GALNT13: variants seen among roughly 807,000 people sequenced by gnomAD.
GALNT13 encodes polypeptide N-acetylgalactosaminyltransferase 13.
Under a neutral mutation model 64.2 loss-of-function variants are expected in GALNT13, and 28 were observed. That is an observed-to-expected ratio of 0.44 (90% confidence interval 0.32 to 0.60). GALNT13 has a LOEUF of 0.60. Among genes scored for constraint, GALNT13 ranks in the 20% least tolerant of loss-of-function variants. The pLI, the probability that GALNT13 is intolerant of heterozygous loss-of-function variation, is 0.05. For missense variants in GALNT13, 577 were observed against 669.8 expected, an observed-to-expected ratio of 0.86 and a Z score of 1.53; for synonymous variants, 214 against 224.6, an observed-to-expected ratio of 0.95 and a Z score of 0.42.
At chr2:154,357,373 G>A (rs964860407) in intron 9 of GALNT13, among the ~76,000 whole-genome samples, 1 of 151,950 alleles carries the variant, frequency 6.6e-6, no homozygotes, top group Non-Finnish European at 1.5e-5. Context: ...TTTCATGTGA[G>A]TTGTCTTCTC....
At chr2:153,893,825 C>A (rs571606604) in intron 1 of GALNT13, among the ~76,000 whole-genome samples, 4 of 151,890 alleles carry the variant, frequency 2.6e-5, no homozygotes, top group African/African-American at 9.7e-5. Flanking sequence ...GTACTTTGAA[C>A]GTGAAATTTT....
chr2:153,520,607 T>C, the GALNT13 span, among the ~76,000 whole-genome samples: 2 of 152,186 alleles, frequency 1.3e-5, no homozygotes, highest in Non-Finnish European at 2.9e-5. Flanking sequence ...TTTATCTTAA[T>C]GCTCGAAAAA....
chr2:153,393,105 T>C, the GALNT13 span, among the ~76,000 whole-genome samples: 1 of 152,024 alleles, frequency 6.6e-6, no homozygotes, highest in African/African-American at 2.4e-5. Flanking sequence ...ACTGCCCAAA[T>C]GAACAAAGAC....
chr2:153,684,417 T>C, the GALNT13 span, among the ~76,000 whole-genome samples: 2 of 151,620 alleles, frequency 1.3e-5, no homozygotes, highest in Non-Finnish European at 1.5e-5. Flanking sequence ...ATAGGAGTAA[T>C]GTAACTATTT....
chr2:153,648,483 T>C, the GALNT13 span, among the ~76,000 whole-genome samples: 4 of 152,048 alleles, frequency 2.6e-5, no homozygotes, highest in African/African-American at 7.2e-5. Flanking sequence ...ATTGCCCTGG[T>C]CAGAACTTCC....
chr2:153,243,318 AG>A, the GALNT13 span, among the ~76,000 whole-genome samples: 2 of 152,148 alleles, frequency 1.3e-5, no homozygotes, highest in African/African-American at 4.8e-5. Context: ...CCTTAATTCT[AG>A]GGATCTGTTT....
chr2:153,974,972 T>C (rs1390734918), intron 3 of GALNT13, among the ~76,000 whole-genome samples: 1 of 152,094 alleles, frequency 6.6e-6, no homozygotes, highest in Non-Finnish European at 1.5e-5. Context: ...TAGTGTATTA[T>C]ATGGGTAGCA....
At chr2:153,243,440 T>G in the GALNT13 span, among the ~76,000 whole-genome samples, 1 of 152,242 alleles carries the variant, frequency 6.6e-6, no homozygotes, top group African/African-American at 2.4e-5. Flanking sequence ...CTGTCTGATA[T>G]TCTAGGCCCC....
At chr2:153,258,634 A>G in the GALNT13 span, among the ~76,000 whole-genome samples, 2 of 151,724 alleles carry the variant, frequency 1.3e-5, no homozygotes, top group African/African-American at 2.4e-5. Context: ...AGTGCATCTC[A>G]TAGGATTTAA....
the GALNT13 span, among the ~76,000 whole-genome samples, chr2:153,684,069 A>AAT: frequency 0.017 from 2,533 of 148,388 alleles, 19 homozygotes; most frequent in African/African-American, 0.027. Context: ...TCTTCATAAT[A>AAT]ATATATATAT....
chr2:153,541,417 C>T, the GALNT13 span, among the ~76,000 whole-genome samples: 8 of 152,062 alleles, frequency 5.3e-5, no homozygotes, highest in African/African-American at 9.7e-5. Flanking sequence ...ATGGACTAAT[C>T]GACTGACTTT....
chr2:153,229,612 A>G, the GALNT13 span, among the ~76,000 whole-genome samples: 1 of 152,206 alleles, frequency 6.6e-6, no homozygotes, highest in Non-Finnish European at 1.5e-5. Context: ...TTTTATTACA[A>G]GTATGAATAG....
intron 3 of GALNT13, among the ~76,000 whole-genome samples, chr2:154,136,874 C>A (rs1332200534): frequency 2.0e-5 from 3 of 151,968 alleles, no homozygotes; most frequent in Non-Finnish European, 4.4e-5. Context: ...AATAAAAAAA[C>A]CACAATGTAG....
intron 1 of GALNT13, among the ~76,000 whole-genome samples, chr2:153,875,313 A>T (rs1416826151): frequency 6.6e-6 from 1 of 152,128 alleles, no homozygotes; most frequent in African/African-American, 2.4e-5. Context: ...GTTCAAAGCA[A>T]TTTTTCTTTA....
the GALNT13 span, among the ~76,000 whole-genome samples, chr2:153,138,958 A>T: frequency 1.3e-5 from 2 of 152,034 alleles, no homozygotes; most frequent in African/African-American, 2.4e-5. Flanking sequence ...TTTCCTGGAA[A>T]TATTTGAGGA....
chr2:153,103,787 C>T, the GALNT13 span, among the ~76,000 whole-genome samples: 1 of 152,188 alleles, frequency 6.6e-6, no homozygotes, highest in Non-Finnish European at 1.5e-5. Flanking sequence ...ATCCCACATA[C>T]CTAGATTGTG....
intron 9 of GALNT13, among the ~76,000 whole-genome samples, chr2:154,378,234 T>C (rs1461856473): frequency 2.0e-5 from 3 of 152,158 alleles, no homozygotes; most frequent in African/African-American, 7.2e-5. Flanking sequence ...TGTTCTGCTA[T>C]ACTTGCTCAA....
At chr2:153,315,571 T>C in the GALNT13 span, among the ~76,000 whole-genome samples, 1 of 152,178 alleles carries the variant, frequency 6.6e-6, no homozygotes, top group East Asian at 1.9e-4. Flanking sequence ...AAAAGATAAC[T>C]AGGCAAATTT....
intron 4 of GALNT13, among the ~76,000 whole-genome samples, chr2:154,219,718 A>G (rs1245917238): frequency 6.6e-6 from 1 of 152,088 alleles, no homozygotes; most frequent in African/African-American, 2.4e-5. Flanking sequence ...CTATTAAAGT[A>G]CCAGAATATC....
Sources: gnomAD v4.1 joint callset for allele counts (sites outside exome capture counted in the v4.1 genomes callset) on GRCh38, gnomAD v4.1.1 for gene constraint, MANE v1.5 for transcripts, NCBI Gene and HGNC (gene_info 2026-07-23, HGNC 2026-07-21) for gene names.